The following RPS6KC1 variants were observed in gnomAD, a reference collection of about 807,000 sequenced individuals.
RPS6KC1 encodes ribosomal protein S6 kinase C1.
Under a neutral mutation model 103.8 loss-of-function variants are expected in RPS6KC1, and 54 were observed. The observed-to-expected ratio is 0.52, with a 90% CI of 0.42 to 0.65. The LOEUF (loss-of-function observed/expected upper bound fraction) is 0.65, where lower values mean the gene tolerates loss of function less well. Among genes scored for constraint, RPS6KC1 ranks in the 30% least tolerant of loss-of-function variants. The pLI, the probability that RPS6KC1 is intolerant of heterozygous loss-of-function variation, is 0.00. For missense variants in RPS6KC1, 1,151 were observed against 1,253.8 expected, an observed-to-expected ratio of 0.92 and a Z score of 1.24; for synonymous variants, 439 against 438.7, an observed-to-expected ratio of 1.00 and a Z score of -0.01.
At chr1:213,516,744 A>G in the RPS6KC1 span, among the ~76,000 whole-genome samples, 1 of 152,184 alleles carries the variant, frequency 6.6e-6, no homozygotes, top group East Asian at 1.9e-4. Flanking sequence ...GGCCTCATAA[A>G]ATGAGTTAGG....
chr1:213,197,433 A>AT (rs1439570244), intron 8 of RPS6KC1, among the ~76,000 whole-genome samples: 6 of 151,760 alleles, frequency 4.0e-5, no homozygotes, highest in Admixed American at 3.9e-4. Flanking sequence ...ATGTGTTTCC[A>AT]TTTTTTCGTG....
At chr1:213,826,213 A>T in the RPS6KC1 span, among the ~76,000 whole-genome samples, 5 of 152,324 alleles carry the variant, frequency 3.3e-5, no homozygotes, top group South Asian at 1.0e-3. Context: ...ATCATAATAG[A>T]ATTTTTTTAA....
intron 4 of RPS6KC1, among the ~76,000 whole-genome samples, chr1:213,109,160 G>C (rs987518105): frequency 6.6e-6 from 1 of 151,654 alleles, no homozygotes; most frequent in East Asian, 1.9e-4. Flanking sequence ...TTTTTGAGAC[G>C]GGGTCTCGCT....
chr1:213,182,584 A>G (rs1450576595), intron 8 of RPS6KC1, among the ~76,000 whole-genome samples: 1 of 152,002 alleles, frequency 6.6e-6, no homozygotes, highest in Non-Finnish European at 1.5e-5. Context: ...AACAGAGAGA[A>G]CAAACAGAAC....
chr1:213,120,978 G>A (rs1013275377), intron 5 of RPS6KC1, among the ~76,000 whole-genome samples: 1 of 152,088 alleles, frequency 6.6e-6, no homozygotes, highest in Non-Finnish European at 1.5e-5. Flanking sequence ...TTTGTGATAG[G>A]GTCTCACCGT....
the RPS6KC1 span, among the ~76,000 whole-genome samples, chr1:213,479,252 G>A: frequency 2.0e-5 from 3 of 151,942 alleles, no homozygotes; most frequent in African/African-American, 7.2e-5. Context: ...AACTAGAAGT[G>A]GAATTTCTGA....
the RPS6KC1 span, among the ~76,000 whole-genome samples, chr1:213,752,075 TA>T: frequency 6.6e-6 from 1 of 152,140 alleles, no homozygotes; most frequent in Non-Finnish European, 1.5e-5. Flanking sequence ...ATATTATAAG[TA>T]AAAAGCTTTC....
chr1:213,176,663 T>G, intron 8 of RPS6KC1, 171 bp downstream of exon 8: 1 of 443,586 alleles, frequency 2.3e-6, no homozygotes, highest in Non-Finnish European at 4.1e-6. Flanking sequence ...ATCTGAGCAA[T>G]TCATGTAAGG....
chr1:213,116,935 T>A (rs1409863630), intron 4 of RPS6KC1, among the ~76,000 whole-genome samples: 1 of 152,240 alleles, frequency 6.6e-6, no homozygotes, highest in Non-Finnish European at 1.5e-5. Context: ...GTTAGTCTGA[T>A]GGGCTTCCTT....
At chr1:213,628,377 T>G in the RPS6KC1 span, among the ~76,000 whole-genome samples, 1 of 152,188 alleles carries the variant, frequency 6.6e-6, no homozygotes, top group Non-Finnish European at 1.5e-5. Context: ...AACCAGCTCC[T>G]GGATTTATGG....
the RPS6KC1 span, among the ~76,000 whole-genome samples, chr1:213,567,196 AT>A: frequency 6.6e-6 from 1 of 152,068 alleles, no homozygotes; most frequent in Admixed American, 6.5e-5. Context: ...AGAGGAGACT[AT>A]TTTTTTCCCC....
chr1:213,239,911 G>T (rs549963103), intron 10 of RPS6KC1, among the ~76,000 whole-genome samples: 1 of 151,988 alleles, frequency 6.6e-6, no homozygotes, highest in African/African-American at 2.4e-5. Context: ...GTGTTTTAAT[G>T]GTTAAAATAA....
the RPS6KC1 span, among the ~76,000 whole-genome samples, chr1:213,663,102 A>G: frequency 5.9e-4 from 90 of 152,332 alleles, no homozygotes; most frequent in African/African-American, 2.0e-3. Flanking sequence ...TTTGTAAACT[A>G]TTGATTCCTT....
the RPS6KC1 span, among the ~76,000 whole-genome samples, chr1:213,726,579 T>C: frequency 3.6e-4 from 55 of 152,192 alleles, no homozygotes; most frequent in African/African-American, 9.9e-4. Flanking sequence ...TCTCCTCTTG[T>C]TCAACTAAGT....
chr1:213,803,507 A>T, the RPS6KC1 span, among the ~76,000 whole-genome samples: 1 of 152,134 alleles, frequency 6.6e-6, no homozygotes, highest in Non-Finnish European at 1.5e-5. Flanking sequence ...TCGGCCTCCC[A>T]AAGTGCTGGG....
chr1:213,415,583 C>T, the RPS6KC1 span, among the ~76,000 whole-genome samples: 15 of 152,200 alleles, frequency 9.9e-5, no homozygotes, highest in East Asian at 9.6e-4. Context: ...AAGGGCGAAG[C>T]GGTAGGGATG....
At chr1:213,572,256 C>T in the RPS6KC1 span, among the ~76,000 whole-genome samples, 2 of 152,146 alleles carry the variant, frequency 1.3e-5, no homozygotes, top group Non-Finnish European at 2.9e-5. Context: ...ATCCCACACA[C>T]GAGACTCTCA....
the RPS6KC1 span, among the ~76,000 whole-genome samples, chr1:213,340,892 C>T: frequency 6.6e-6 from 1 of 152,202 alleles, no homozygotes; most frequent in East Asian, 1.9e-4. Context: ...CAGGGCCAAG[C>T]CGTGTAGTGG....
At chr1:213,100,731 C>T (rs1303319306) in intron 3 of RPS6KC1, among the ~76,000 whole-genome samples, 3 of 152,184 alleles carry the variant, frequency 2.0e-5, no homozygotes, top group Non-Finnish European at 4.4e-5. Flanking sequence ...TAATGGCCTC[C>T]ACCTGCATCC....
Sources: allele counts gnomAD v4.1 joint callset (sites outside exome capture counted in the v4.1 genomes callset), GRCh38; gene constraint gnomAD v4.1.1; transcripts MANE v1.5; gene names NCBI Gene and HGNC (gene_info 2026-07-23, HGNC 2026-07-21).